PLXNA2: variants seen among roughly 807,000 people sequenced by gnomAD.
The protein encoded by PLXNA2 is plexin A2.
A neutral mutation model predicts 193.5 loss-of-function variants in PLXNA2; 91 were observed. The observed-to-expected ratio is 0.47, with a 90% CI of 0.40 to 0.56. The LOEUF (loss-of-function observed/expected upper bound fraction) is 0.56, where lower values mean the gene tolerates loss of function less well. PLXNA2 is among the 20% of genes least tolerant of loss of function. The probability of loss-of-function intolerance (pLI) is 0.00; values close to 1 mark genes in which losing one functional copy is unlikely to be tolerated. For synonymous variants in PLXNA2, 997 were observed against 1,027.3 expected (o/e 0.97, Z 0.56); for missense variants, 1,995 against 2,503.2 (o/e 0.80, Z 4.33).
chr1:208,213,751 A>G (rs1671036768), intron 2 of PLXNA2, among the ~76,000 whole-genome samples: 1 of 152,084 alleles, frequency 6.6e-6, no homozygotes, highest in Non-Finnish European at 1.5e-5. Context: ...AGTTCTTTGG[A>G]GTATCAGGGT....
chr1:208,076,925 T>C (rs1194042581), intron 12 of PLXNA2, among the ~76,000 whole-genome samples: 1 of 152,240 alleles, frequency 6.6e-6, no homozygotes, highest in Non-Finnish European at 1.5e-5. Flanking sequence ...TATATGAAAG[T>C]TCTTTGTACT....
chr1:208,221,395 T>G (rs1022423382), intron 1 of PLXNA2, among the ~76,000 whole-genome samples: 5 of 145,142 alleles, frequency 3.4e-5, no homozygotes, highest in African/African-American at 1.0e-4. Context: ...TTTTTTTTTT[T>G]TTTTTTTTTT....
intron 24 of PLXNA2, among the ~76,000 whole-genome samples, 190 bp downstream of exon 24, chr1:208,039,431 T>C (rs6686756): frequency 0.77 from 116,022 of 150,528 alleles, 44,956 homozygotes; most frequent in Non-Finnish European, 0.8. Flanking sequence ...AACCGAGGCA[T>C]AGAGTGCTTG....
intron 29 of PLXNA2, chr1:208,029,885 C>T: frequency 2.0e-6 from 2 of 985,714 alleles, no homozygotes; most frequent in Non-Finnish European, 2.4e-6. Flanking sequence ...TCTCTTCCAG[C>T]TGCCTTCTGG....
At chr1:208,043,389 T>G (rs1308067679) in intron 20 of PLXNA2, among the ~76,000 whole-genome samples, 186 bp from the exon 21 acceptor site, 1 of 152,142 alleles carries the variant, frequency 6.6e-6, no homozygotes, top group Non-Finnish European at 1.5e-5. Flanking sequence ...ATGGGTGATT[T>G]TTATGTTATT....
At chr1:208,185,696 C>CAAAAAAAAAAAAA (rs56384277) in intron 3 of PLXNA2, among the ~76,000 whole-genome samples, 7 of 57,234 alleles carry the variant, frequency 1.2e-4, no homozygotes, top group East Asian at 6.1e-4. Context: ...TCTCTGAAAG[C>CAAAAAAAAAAAAA]AAAAAAAAAA....
At chr1:208,077,951 A>G (rs1192433246) in intron 12 of PLXNA2, among the ~76,000 whole-genome samples, 1 of 152,172 alleles carries the variant, frequency 6.6e-6, no homozygotes. Context: ...TGTCTTGTGG[A>G]TGGATTGCAT....
At chr1:208,234,934 A>G (rs1031381074) in intron 1 of PLXNA2, among the ~76,000 whole-genome samples, 1 of 152,152 alleles carries the variant, frequency 6.6e-6, no homozygotes, top group African/African-American at 2.4e-5. Context: ...TTTCACATCC[A>G]CTATGTGGGC....
chr1:208,216,545 C>T lies in PLXNA2; in HGVS notation c.1188+190G>A, dbSNP rs116491924. On this transcript the variant is annotated intron_variant, in intron 2 of 31. Coordinates refer to ENST00000367033, the MANE Select transcript of PLXNA2 (RefSeq NM_025179.4). ...TATATTTGAAATGACAACAAATCAA[C>T]ACACATATCTCAAGTATCTGGTGTA... Among the ~76,000 whole-genome samples the T allele has an allele frequency of 3.4e-3, 521 of 152,340 alleles. 3 individuals carry two copies. The highest frequency in any genetic ancestry group is 0.012 in the African/African-American group (502 of 41,568).
intron 4 of PLXNA2, among the ~76,000 whole-genome samples, chr1:208,131,976 T>C (rs1260085218): frequency 6.6e-6 from 1 of 152,026 alleles, no homozygotes; most frequent in Admixed American, 6.5e-5. Flanking sequence ...GCCTTCCTCA[T>C]TTGTCAAACG....
chr1:208,117,973 G>A (rs1667690427), intron 4 of PLXNA2, among the ~76,000 whole-genome samples: 1 of 152,312 alleles, frequency 6.6e-6, no homozygotes, highest in Admixed American at 6.5e-5. Context: ...AGTGTGCAGA[G>A]AAGCTATGCC....
At chr1:208,031,554 A>T (rs1417584718) in intron 29 of PLXNA2, 36 bp downstream of exon 29, 1 of 1,612,682 alleles carries the variant, frequency 6.2e-7, no homozygotes, top group South Asian at 1.1e-5. Context: ...AGGCCTCTCC[A>T]GGCTGCACCT....
chr1:208,192,284 C>T (rs577962371), intron 3 of PLXNA2, among the ~76,000 whole-genome samples: 1 of 151,046 alleles, frequency 6.6e-6, no homozygotes, highest in East Asian at 2.0e-4. Flanking sequence ...TGTCCTGCTG[C>T]CATGGACACC....
At chr1:208,104,829 AT>A (rs1667209668) in intron 4 of PLXNA2, among the ~76,000 whole-genome samples, 1 of 152,206 alleles carries the variant, frequency 6.6e-6, no homozygotes, top group Non-Finnish European at 1.5e-5. Flanking sequence ...TAATAAAAAC[AT>A]GAAATGCAGG....
chr1:208,035,176 GA>G (rs113384151), intron 26 of PLXNA2, among the ~76,000 whole-genome samples: 2,770 of 143,162 alleles, frequency 0.019, 94 homozygotes, highest in African/African-American at 0.064. Flanking sequence ...TTTTACAGAT[GA>G]AAAAAAAAAA....
chr1:208,168,256 G>T (rs1387035305), intron 3 of PLXNA2, among the ~76,000 whole-genome samples: 2 of 152,178 alleles, frequency 1.3e-5, no homozygotes, highest in Non-Finnish European at 2.9e-5. Flanking sequence ...AGCCACATCT[G>T]GATAGCGAGT....
chr1:208,180,835 G>C (rs1669819584), intron 3 of PLXNA2, among the ~76,000 whole-genome samples: 1 of 152,204 alleles, frequency 6.6e-6, no homozygotes, highest in Non-Finnish European at 1.5e-5. Flanking sequence ...TATCCCAGGA[G>C]GGGTAAAAAG....
At chr1:208,027,769 CT>C (rs1435119395) in intron 31 of PLXNA2, among the ~76,000 whole-genome samples, 1 of 152,124 alleles carries the variant, frequency 6.6e-6, no homozygotes, top group Non-Finnish European at 1.5e-5. Context: ...ATACTTTGAA[CT>C]GAAAAACAAA....
At chr1:208,099,163 G>A (rs143983089) in intron 5 of PLXNA2, among the ~76,000 whole-genome samples, 194 bp from the exon 6 acceptor site, 1 of 152,300 alleles carries the variant, frequency 6.6e-6, no homozygotes, top group Non-Finnish European at 1.5e-5. Context: ...AGACTGAGAG[G>A]GAAGAGGATT....
Sources: allele counts gnomAD v4.1 joint callset (sites outside exome capture counted in the v4.1 genomes callset), GRCh38; gene constraint gnomAD v4.1.1; transcripts MANE v1.5; gene names NCBI Gene and HGNC (gene_info 2026-07-23, HGNC 2026-07-21).